The following SLC22A9 variants were observed in gnomAD, a reference collection of about 807,000 sequenced individuals.
SLC22A9 encodes solute carrier family 22 member 9.
A neutral mutation model predicts 50.1 loss-of-function variants in SLC22A9; 64 were observed. The ratio of observed to expected loss-of-function variants is 1.28; its 90% CI spans 1.04 to 1.57. The LOEUF (loss-of-function observed/expected upper bound fraction) is 1.57, where lower values mean the gene tolerates loss of function less well. Among genes scored for constraint, SLC22A9 ranks in the 40% most tolerant of loss-of-function variants. SLC22A9 has a pLI of 0.00. For synonymous variants in SLC22A9, 261 were observed against 242.5 expected, an observed-to-expected ratio of 1.08 and a Z score of -0.71; for missense variants, 757 against 676.1, an observed-to-expected ratio of 1.12 and a Z score of -1.33.
intron 6 of SLC22A9, among the ~76,000 whole-genome samples, chr11:63,401,862 GTTATAAGT>G (rs1348259713): frequency 6.6e-6 from 1 of 152,074 alleles, no homozygotes; most frequent in East Asian, 1.9e-4. Context: ...GATTAGTGAT[GTTATAAGT>G]TTTTTTATAT....
intron 6 of SLC22A9, among the ~76,000 whole-genome samples, chr11:63,400,890 C>T (rs1388560180): frequency 1.3e-5 from 2 of 152,008 alleles, no homozygotes; most frequent in Admixed American, 1.3e-4. Context: ...TTAGTAGGAT[C>T]AAGGACAAAA....
intron 6 of SLC22A9, among the ~76,000 whole-genome samples, chr11:63,382,772 A>G (rs1228019677): frequency 6.6e-6 from 1 of 152,202 alleles, no homozygotes; most frequent in East Asian, 1.9e-4. Flanking sequence ...ACATTGATTT[A>G]ACAATGATTG....
chr11:63,374,974 A>G (rs893077970), intron 4 of SLC22A9, among the ~76,000 whole-genome samples: 18 of 152,146 alleles, frequency 1.2e-4, no homozygotes, highest in Admixed American at 2.0e-4. Flanking sequence ...CCCCTTAAAA[A>G]AGCCAGTTCA....
Position 63,406,503 on chromosome 11 carries a change from A to G in SLC22A9, c.1080A>G (p.Ala360=), listed in dbSNP as rs2015039566. The G allele has an allele frequency of 1.2e-6, 2 of 1,613,406 alleles. No individual in the cohort carries two copies. Among genetic ancestry groups the G allele is most frequent in the Non-Finnish European group, 1.7e-6 (2 of 1,179,614 alleles). The change falls in exon 7 of 10, where the codon GCA becomes GCG. Residue 360 remains alanine (A), a synonymous_variant. Transcript: ENST00000279178. ...RISLLSFTRF[A]NFMAYFGLNL... ...TCCTTTTTAATCATCACAGATTTGC[A>G]AACTTTATGGCCTATTTTGGCCTTA...
intron 7 of SLC22A9, among the ~76,000 whole-genome samples, chr11:63,407,359 C>A (rs140447980): frequency 1.3e-5 from 2 of 152,246 alleles, no homozygotes; most frequent in East Asian, 3.9e-4. Context: ...CAGGTGGCCA[C>A]CAGTCTTCAC....
intron 6 of SLC22A9, among the ~76,000 whole-genome samples, chr11:63,386,049 T>C (rs566357278): frequency 6.6e-6 from 1 of 152,166 alleles, no homozygotes; most frequent in Non-Finnish European, 1.5e-5. Context: ...ATTGAGATAA[T>C]CATGTGGTTT....
At chr11:63,405,556 T>C (rs61928014) in intron 6 of SLC22A9, among the ~76,000 whole-genome samples, 13,221 of 152,160 alleles carry the variant, frequency 0.087, 1,073 homozygotes, top group African/African-American at 0.22. Context: ...AATATAAAAA[T>C]AGGTTTCCTT....
chr11:63,401,831 T>C (rs1334095635), intron 6 of SLC22A9, among the ~76,000 whole-genome samples: 1 of 152,182 alleles, frequency 6.6e-6, no homozygotes, highest in Non-Finnish European at 1.5e-5. Flanking sequence ...TCATTATTGC[T>C]TTCATTTGTA....
At chr11:63,397,809 C>A (rs58957962) in intron 6 of SLC22A9, among the ~76,000 whole-genome samples, 46,489 of 151,842 alleles carry the variant, frequency 0.31, 7,774 homozygotes, top group East Asian at 0.72. Context: ...GAGCAGGTCC[C>A]AAACTGCCAT....
At position 63,373,626 on chromosome 11, in the gene SLC22A9, C is replaced by A. The variant is rs749239541; in HGVS notation, c.507-18C>A. The A allele has an allele frequency of 5.3e-6, 8 of 1,519,868 alleles. No individual in the cohort carries two copies. The South Asian group carries it at 9.5e-5, about 18-fold the overall frequency. 94.1% of individuals were successfully genotyped at this position (1,519,868 alleles called of 1,614,324 possible). ...TGTTGTTATTGTTCCCATTATCTAACCTGTTTCTGTTTCTCAGGTTTGGGA... is the reference window on the plus strand; with the variant it reads ...TGTTGTTATTGTTCCCATTATCTAAACTGTTTCTGTTTCTCAGGTTTGGGA... On this transcript the variant is annotated intron_variant, in intron 2 of 9. Coordinates refer to ENST00000279178, the MANE Select transcript of SLC22A9 (RefSeq NM_080866.3).
At position 63,406,672 on chromosome 11, in the gene SLC22A9, C is replaced by T. The variant is rs1478775618; in HGVS notation, c.1249C>T (p.Leu417=). Residue 417 remains leucine, a synonymous_variant, in exon 7 of 10, where the codon CTG becomes TTG. Transcript: ENST00000279178. The part of the protein sequence containing the change: ...RASQMLLMFL[L]AICLLAIIFV... The stretch of plus-strand genomic sequence containing the variant: ...AAGCCAGATGCTTCTCATGTTCCTA[C>T]TGGCAATCTGCCTTCTGGCCATCAT... 9.3e-6 allele frequency: 15 copies of T among 1,613,576 alleles called. No individual in the cohort carries two copies. The Admixed American group carries it at 1.2e-4, about 13-fold the overall frequency.
At chr11:63,375,492 G>A (rs2014443957) in intron 4 of SLC22A9, among the ~76,000 whole-genome samples, 153 bp from the exon 5 acceptor site, 1 of 152,116 alleles carries the variant, frequency 6.6e-6, no homozygotes, top group Admixed American at 6.6e-5. Context: ...CATTTTTCTA[G>A]TTATAGTCAA....
intron 6 of SLC22A9, among the ~76,000 whole-genome samples, chr11:63,390,779 G>A (rs2014750354): frequency 6.6e-6 from 1 of 151,912 alleles, no homozygotes; most frequent in Non-Finnish European, 1.5e-5. Context: ...GAATTACTTT[G>A]GGCAGTATGG....
At chr11:63,389,779 C>T (rs2014731310) in intron 6 of SLC22A9, among the ~76,000 whole-genome samples, 1 of 152,182 alleles carries the variant, frequency 6.6e-6, no homozygotes, top group Admixed American at 6.5e-5. Flanking sequence ...AATGGTTGAA[C>T]TAATTTACAC....
chr11:63,373,031 C>G (rs1439987313), intron 2 of SLC22A9, among the ~76,000 whole-genome samples: 1 of 152,080 alleles, frequency 6.6e-6, no homozygotes, highest in African/African-American at 2.4e-5. Flanking sequence ...GAAATCCTGC[C>G]TCACCACAGG....
At chr11:63,383,774 G>T (rs2014609237) in intron 6 of SLC22A9, among the ~76,000 whole-genome samples, 2 of 152,186 alleles carry the variant, frequency 1.3e-5, no homozygotes, top group South Asian at 4.1e-4. Context: ...GAACAGGTCG[G>T]GCGCAGTGGC....
intron 6 of SLC22A9, among the ~76,000 whole-genome samples, chr11:63,397,621 C>G (rs1270190327): frequency 6.6e-6 from 1 of 152,032 alleles, no homozygotes; most frequent in Non-Finnish European, 1.5e-5. Flanking sequence ...TTCTTCCCAC[C>G]CTTTTCCACA....
intron 4 of SLC22A9, among the ~76,000 whole-genome samples, 167 bp downstream of exon 4, chr11:63,374,229 G>A (rs1051577663): frequency 6.6e-6 from 1 of 152,078 alleles, no homozygotes; most frequent in African/African-American, 2.4e-5. Flanking sequence ...AGAGTTTCCT[G>A]ATAAAACTGA....
At position 63,406,723 on chromosome 11, in the gene SLC22A9, T is replaced by C. The variant is rs1565190754; in HGVS notation, c.1288+12T>C. 6.2e-7 allele frequency: 1 copy of C among 1,612,398 alleles called. No homozygotes were observed. Among genetic ancestry groups the C allele is most frequent in the Non-Finnish European group, 8.5e-7 (1 of 1,179,036 alleles). On this transcript the variant is annotated intron_variant, in intron 7 of 9. Coordinates refer to ENST00000279178, the MANE Select transcript of SLC22A9 (RefSeq NM_080866.3). ...ATTTGTGCCACAAGGTGAGAAAAGA[T>C]CACAGGTGGAAGAGAGAAATGCCTT... is the stretch of plus-strand genomic sequence containing the variant.
Sources: allele counts gnomAD v4.1 joint callset (sites outside exome capture counted in the v4.1 genomes callset), GRCh38; gene constraint gnomAD v4.1.1; transcripts MANE v1.5; gene names NCBI Gene and HGNC (gene_info 2026-07-23, HGNC 2026-07-21).